The following NLGN1 variants were observed in gnomAD, a reference collection of about 807,000 sequenced individuals.
The protein encoded by NLGN1 is neuroligin 1, also known as neuroligin-1.
NLGN1 carries 12 observed loss-of-function variants against 65.5 expected under a neutral mutation model. That is an observed-to-expected ratio of 0.18 (90% confidence interval 0.12 to 0.30). The LOEUF (loss-of-function observed/expected upper bound fraction) is 0.30. Ranked by LOEUF, NLGN1 falls within the 10% of genes least tolerant of loss-of-function variation. The pLI is 1.00. For missense variants in NLGN1, 750 were observed against 1,007.1 expected (o/e 0.74, Z 3.46); for synonymous variants, 350 against 359.5 (o/e 0.97, Z 0.30).
At chr3:173,660,557 G>A (rs117469439) in intron 3 of NLGN1, among the ~76,000 whole-genome samples, 1,960 of 151,866 alleles carry the variant, frequency 0.013, 86 homozygotes, top group Admixed American at 0.082. Context: ...AAGCATTACA[G>A]TCAATTAAGG....
intron 4 of NLGN1, among the ~76,000 whole-genome samples, chr3:173,820,478 C>G (rs1720064672): frequency 6.6e-6 from 1 of 152,150 alleles, no homozygotes; most frequent in Non-Finnish European, 1.5e-5. Flanking sequence ...GTAATCCCCC[C>G]TTATCCACAA....
chr3:173,424,963 A>C (rs1187092541), intron 1 of NLGN1, among the ~76,000 whole-genome samples: 1 of 152,132 alleles, frequency 6.6e-6, no homozygotes, highest in South Asian at 2.1e-4. Flanking sequence ...TAAAGATACT[A>C]CCTGAGACTG....
intron 2 of NLGN1, chr3:173,584,471 A>AAAAG (rs559035985): frequency 7.0e-6 from 1 of 142,410 alleles, no homozygotes; most frequent in Non-Finnish European, 1.5e-5. Context: ...GATTTTTTAA[A>AAAAG]AAAGAAAGAA....
At chr3:174,086,260 T>TATATATATTTATGTATGTGCATAA (rs1576793982) in intron 4 of NLGN1, among the ~76,000 whole-genome samples, 9 of 128,006 alleles carry the variant, frequency 7.0e-5, no homozygotes, top group Admixed American at 1.5e-4. Context: ...TGTGCATACA[T>TATATATATTTATGTATGTGCATAA]ATATATATTT....
chr3:174,082,406 T>G (rs1365988551), intron 4 of NLGN1, among the ~76,000 whole-genome samples: 3 of 152,110 alleles, frequency 2.0e-5, no homozygotes, highest in Non-Finnish European at 2.9e-5. Flanking sequence ...ATTACTGGGC[T>G]TATTAACACT....
chr3:173,700,609 C>G (rs956883514), intron 3 of NLGN1, among the ~76,000 whole-genome samples: 12 of 152,220 alleles, frequency 7.9e-5, no homozygotes, highest in African/African-American at 2.9e-4. Flanking sequence ...TTTCTGCTCT[C>G]TGATGCATCA....
rs143722110 is a variant in NLGN1, at chr3:174,265,775, A to G, written c.647-9540A>G. Among the ~76,000 whole-genome samples, 881 of 117,398 alleles carry G rather than the reference A, an allele frequency of 7.5e-3. 18 individuals are homozygous for G. Among genetic ancestry groups the G allele is most frequent in the East Asian group, 0.039 (149 of 3,802 alleles). 77.0% of individuals were successfully genotyped at this position (117,398 alleles called of 152,430 possible). On this transcript the variant is annotated intron_variant, in intron 4 of 6. Coordinates refer to ENST00000457714, the Ensembl canonical transcript of NLGN1. ...AAAACTAAGAAGGCTATATATATAT[A>G]TATATATGTATATATATATATATAT... is the stretch of plus-strand genomic sequence containing the variant.
intron 2 of NLGN1, among the ~76,000 whole-genome samples, chr3:173,543,563 C>T (rs140433808): frequency 4.6e-5 from 7 of 152,008 alleles, no homozygotes; most frequent in South Asian, 2.1e-4. Context: ...AGATAGCAAG[C>T]GTATTCTAAT....
chr3:173,711,634 A>G (rs1376259793), intron 3 of NLGN1, among the ~76,000 whole-genome samples: 1 of 152,172 alleles, frequency 6.6e-6, no homozygotes, highest in Non-Finnish European at 1.5e-5. Context: ...TAGAAGCTGA[A>G]AGGACTTCTT....
chr3:174,286,785 G>C (rs1174902723), downstream of NLGN1: 1 of 151,464 alleles, frequency 6.6e-6, no homozygotes, highest in Non-Finnish European at 1.5e-5. Flanking sequence ...TAGAAACAAT[G>C]ACATTTTATG....
Position 173,550,901 on chromosome 3 carries a change from T to C in NLGN1, c.-320-53378T>C, listed in dbSNP as rs79636863. Among the ~76,000 whole-genome samples, 6 of 152,304 alleles carry C rather than the reference T, an allele frequency of 3.9e-5. No individual in the cohort carries two copies. In the East Asian group the frequency reaches 1.2e-3, roughly 29 times the overall value. On this transcript the variant is annotated intron_variant, in intron 2 of 6. Transcript: ENST00000457714. The stretch of plus-strand genomic sequence containing the variant: ...ACATTGTATAAGGGATACATTTTTA[T>C]TTAAATATTCTTCCGATTTTTCTCC...
At chr3:173,705,231 G>GA (rs1767875965) in intron 3 of NLGN1, among the ~76,000 whole-genome samples, 1 of 151,748 alleles carries the variant, frequency 6.6e-6, no homozygotes, top group Admixed American at 6.6e-5. Flanking sequence ...AGATATGTTT[G>GA]AAAAAAATGT....
chr3:173,949,582 T>A (rs966835887), intron 4 of NLGN1, among the ~76,000 whole-genome samples: 2 of 152,170 alleles, frequency 1.3e-5, no homozygotes, highest in African/African-American at 4.8e-5. Context: ...CTGAATGTGA[T>A]GAATTGTTAA....
intron 3 of NLGN1, among the ~76,000 whole-genome samples, chr3:173,613,142 G>A (rs1752560541): frequency 6.6e-6 from 1 of 152,116 alleles, no homozygotes; most frequent in African/African-American, 2.4e-5. Context: ...TGAAGGTTCA[G>A]CTGGACATAA....
chr3:173,647,920 C>T (rs1758532002), intron 3 of NLGN1, among the ~76,000 whole-genome samples: 2 of 151,960 alleles, frequency 1.3e-5, no homozygotes, highest in Non-Finnish European at 2.9e-5. Context: ...GGAGATAGAC[C>T]TTGGTCTTTG....
At chr3:173,406,654 G>A (rs1226965514) in intron 1 of NLGN1, among the ~76,000 whole-genome samples, 1 of 151,394 alleles carries the variant, frequency 6.6e-6, no homozygotes, top group Non-Finnish European at 1.5e-5. Context: ...TACTATTTGT[G>A]GATACATCTT....
intron 4 of NLGN1, among the ~76,000 whole-genome samples, chr3:173,962,318 G>A (rs561845158): frequency 1.3e-5 from 2 of 152,184 alleles, no homozygotes; most frequent in African/African-American, 4.8e-5. Flanking sequence ...TAAATAGGAA[G>A]TGTCTTTGTC....
chr3:173,539,662 T>TGCACATATATACCATACATATATGTGC (rs1738225896), intron 2 of NLGN1, among the ~76,000 whole-genome samples: 1 of 116,134 alleles, frequency 8.6e-6, no homozygotes, highest in African/African-American at 4.2e-5. Flanking sequence ...CATATGTGTA[T>TGCACATATATACCATACATATATGTGC]ATATGCACAT....
intron 3 of NLGN1, among the ~76,000 whole-genome samples, chr3:173,639,776 C>T (rs1423239953): frequency 6.6e-6 from 1 of 152,140 alleles, no homozygotes; most frequent in Non-Finnish European, 1.5e-5. Flanking sequence ...ATGGTTTGTC[C>T]TCAGGGAATG....
Sources: allele counts gnomAD v4.1 joint callset (sites outside exome capture counted in the v4.1 genomes callset), GRCh38; gene constraint gnomAD v4.1.1; transcripts MANE v1.5; gene names NCBI Gene and HGNC (gene_info 2026-07-23, HGNC 2026-07-21).